RGS9: variants seen among roughly 807,000 people sequenced by gnomAD.
RGS9 encodes the protein regulator of G protein signaling 9.
Under a neutral mutation model 102.0 loss-of-function variants are expected in RGS9, and 78 were observed. That is an observed-to-expected ratio of 0.76 (90% CI 0.64 to 0.92). The LOEUF is 0.92. Ranked by LOEUF, RGS9 falls within the 40% of genes least tolerant of loss-of-function variation. RGS9 has a pLI of 0.00. For synonymous variants in RGS9, 353 were observed against 318.6 expected, an observed-to-expected ratio of 1.11 and a Z score of -1.15; for missense variants, 833 against 866.1, an observed-to-expected ratio of 0.96 and a Z score of 0.48.
intron 1 of RGS9, among the ~76,000 whole-genome samples, chr17:65,146,020 T>A (rs1411065892): frequency 6.6e-6 from 1 of 152,212 alleles, no homozygotes; most frequent in African/African-American, 2.4e-5. Context: ...ATTGTGTTTT[T>A]AAAATAACTC....
chr17:65,191,443 C>T (rs1912364477), intron 11 of RGS9, among the ~76,000 whole-genome samples: 3 of 151,982 alleles, frequency 2.0e-5, no homozygotes, highest in Admixed American at 2.0e-4. Context: ...GTCGAGGTGC[C>T]TCATGCCTGT....
Position 65,213,492 on chromosome 17 carries a change from C to T in RGS9, c.1407+2887C>T, listed in dbSNP as rs184649411. Among the ~76,000 whole-genome samples, 56 of 152,082 alleles carry T rather than the reference C, an allele frequency of 3.7e-4. 1 individual carries two copies. The East Asian group carries it at 6.4e-3, about 17-fold the overall frequency. ...ATATGAGCTGAGATGACATACCCAGCAGCCTGGTGGTGAGGGTGGTGGTGA... is the reference window on the plus strand; with the variant it reads ...ATATGAGCTGAGATGACATACCCAGTAGCCTGGTGGTGAGGGTGGTGGTGA... On this transcript the variant is annotated intron_variant, in intron 17 of 18. Coordinates refer to ENST00000262406, the MANE Select transcript of RGS9 (RefSeq NM_003835.4).
intron 2 of RGS9, among the ~76,000 whole-genome samples, chr17:65,155,419 T>A (rs1425890728): frequency 6.6e-6 from 1 of 152,244 alleles, no homozygotes; most frequent in East Asian, 1.9e-4. Flanking sequence ...GTTTATTGAA[T>A]GCATGAGTCA....
intron 17 of RGS9, among the ~76,000 whole-genome samples, 191 bp from the exon 18 acceptor site, chr17:65,224,811 G>A (rs1905545153): frequency 6.6e-6 from 1 of 152,202 alleles, no homozygotes; most frequent in Non-Finnish European, 1.5e-5. Context: ...CCCTGGACAG[G>A]AGGCCTCTGT....
chr17:65,225,569 C>CTGGGGACTGGGA (rs1407225460), intron 18 of RGS9, 83 bp downstream of exon 18: 12 of 1,587,274 alleles, frequency 7.6e-6, no homozygotes, highest in Non-Finnish European at 1.0e-5. Context: ...ATGCTTTGGG[C>CTGGGGACTGGGA]TGGGGACTGG....
intron 18 of RGS9, among the ~76,000 whole-genome samples, chr17:65,226,233 CA>C (rs1172481047): frequency 1.3e-5 from 2 of 152,228 alleles, no homozygotes; most frequent in Non-Finnish European, 2.9e-5. Flanking sequence ...TCAGCTCCTA[CA>C]CTTACTGAGT....
intron 2 of RGS9, among the ~76,000 whole-genome samples, chr17:65,158,001 A>G (rs1910830888): frequency 6.6e-6 from 1 of 152,186 alleles, no homozygotes; most frequent in South Asian, 2.1e-4. Context: ...ATCGTCAGGT[A>G]AAAGATCAAT....
chr17:65,212,669 G>C (rs1355116740), intron 17 of RGS9, among the ~76,000 whole-genome samples: 1 of 152,168 alleles, frequency 6.6e-6, no homozygotes, highest in Non-Finnish European at 1.5e-5. Context: ...TGTGGTCACT[G>C]GTTTCATGTT....
intron 16 of RGS9, among the ~76,000 whole-genome samples, chr17:65,208,387 C>G (rs1002655354): frequency 6.6e-6 from 1 of 152,102 alleles, no homozygotes; most frequent in African/African-American, 2.4e-5. Context: ...GTTCTAAGAC[C>G]TTAGAGAGAA....
At chr17:65,172,492 G>T (rs564463266) in intron 8 of RGS9, among the ~76,000 whole-genome samples, 1 of 152,186 alleles carries the variant, frequency 6.6e-6, no homozygotes, top group South Asian at 2.1e-4. Flanking sequence ...GTGGCGGCCT[G>T]ACACATAATG....
At chr17:65,218,514 T>A (rs2144123697) in intron 17 of RGS9, among the ~76,000 whole-genome samples, 1 of 152,344 alleles carries the variant, frequency 6.6e-6, no homozygotes, top group Admixed American at 6.5e-5. Flanking sequence ...ACTTTGGGGT[T>A]AGGCAGACAT....
At chr17:65,219,755 C>G (rs1913635905) in intron 17 of RGS9, among the ~76,000 whole-genome samples, 1 of 152,128 alleles carries the variant, frequency 6.6e-6, no homozygotes, top group African/African-American at 2.4e-5. Flanking sequence ...ATTATAAGCC[C>G]TCAACGAACA....
At chr17:65,186,002 A>G (rs1380840215) in intron 9 of RGS9, among the ~76,000 whole-genome samples, 1 of 152,116 alleles carries the variant, frequency 6.6e-6, no homozygotes, top group East Asian at 1.9e-4. Flanking sequence ...ACAGGCAGAA[A>G]GCTTGATGCT....
intron 6 of RGS9, among the ~76,000 whole-genome samples, chr17:65,162,727 C>A (rs1027879973): frequency 2.3e-4 from 35 of 152,220 alleles, no homozygotes; most frequent in African/African-American, 7.5e-4. Context: ...CCTTGGCCTC[C>A]CAAAGTGCTG....
chr17:65,224,324 C>T (rs879840920), intron 17 of RGS9, among the ~76,000 whole-genome samples: 3 of 152,228 alleles, frequency 2.0e-5, no homozygotes, highest in Admixed American at 6.5e-5. Context: ...CTCCACTGAA[C>T]ACCTCCTCGC....
chr17:65,204,379 A>G (rs1598613956), intron 15 of RGS9, 78 bp downstream of exon 15: 4 of 1,529,412 alleles, frequency 2.6e-6, no homozygotes, highest in Non-Finnish European at 3.6e-6. Context: ...CTTTAGATAT[A>G]GGAAAAAGAG....
At chr17:65,227,030 C>A (rs912900650) in intron 18 of RGS9, among the ~76,000 whole-genome samples, 1 of 152,160 alleles carries the variant, frequency 6.6e-6, no homozygotes, top group Non-Finnish European at 1.5e-5. Context: ...AACAAAGCAC[C>A]TTCAGAATTA....
intron 9 of RGS9, among the ~76,000 whole-genome samples, chr17:65,186,339 C>A (rs1455888271): frequency 6.6e-6 from 1 of 151,698 alleles, no homozygotes; most frequent in Admixed American, 6.6e-5. Flanking sequence ...CCACCCCCCA[C>A]CAAGTAACTG....
chr17:65,152,119 T>C (rs1315321349), intron 1 of RGS9, among the ~76,000 whole-genome samples: 1 of 152,098 alleles, frequency 6.6e-6, no homozygotes, highest in East Asian at 1.9e-4. Flanking sequence ...GGGTTGCAGC[T>C]TTAGGAATGG....
Sources: allele counts gnomAD v4.1 joint callset (sites outside exome capture counted in the v4.1 genomes callset), GRCh38; gene constraint gnomAD v4.1.1; transcripts MANE v1.5; gene names NCBI Gene and HGNC (gene_info 2026-07-23, HGNC 2026-07-21).